Variants in TRAPPC9 observed in about 807,000 individuals in gnomAD.
TRAPPC9 encodes the protein trafficking protein particle complex subunit 9, also known as IKK2 binding protein.
In TRAPPC9, 83 loss-of-function variants were observed where a neutral mutation model predicts 124.0. The ratio of observed to expected loss-of-function variants is 0.67; its 90% CI spans 0.56 to 0.80. The LOEUF (loss-of-function observed/expected upper bound fraction) is 0.80, where lower values mean the gene tolerates loss of function less well. Among genes scored for constraint, TRAPPC9 ranks in the 30% least tolerant of loss-of-function variants. TRAPPC9 has a pLI of 0.00. For missense variants in TRAPPC9, 1,302 were observed against 1,508.3 expected (o/e 0.86, Z 2.27); for synonymous variants, 638 against 617.5 (o/e 1.03, Z -0.49).
rs71514633 is a variant in TRAPPC9, at chr8:139,729,210, G to C, written c.*1851C>G. On this transcript the variant is annotated 3_prime_UTR_variant, in exon 23 of 23. Transcript: ENST00000438773. ...TCTACCTTTTAAACATGTTGTTATA[G>C]ACACGTTCTGAGGCATAGAAAATTT... Among the ~76,000 whole-genome samples, 1 of 152,230 alleles carries C rather than the reference G, an allele frequency of 6.6e-6. No homozygotes were observed. The highest frequency in any genetic ancestry group is 1.9e-4 in the East Asian group (1 of 5,192).
chr8:139,910,482 T>C (rs1831654984), intron 19 of TRAPPC9, among the ~76,000 whole-genome samples, 182 bp from the exon 20 acceptor site: 1 of 152,228 alleles, frequency 6.6e-6, no homozygotes. Context: ...ACTTCAGAGC[T>C]GGTTCAACAC....
At chr8:139,888,738 T>C (rs1830165284) in intron 20 of TRAPPC9, among the ~76,000 whole-genome samples, 1 of 152,264 alleles carries the variant, frequency 6.6e-6, no homozygotes, top group Admixed American at 6.5e-5. Context: ...TGAACTGATA[T>C]TGTTACTGAC....
chr8:139,784,443 G>A lies in TRAPPC9; in HGVS notation c.3056-52241C>T, dbSNP rs138199214. 1.1e-4 allele frequency among the ~76,000 whole-genome samples: 16 copies of A among 151,882 alleles called. No individual in the cohort carries two copies. In the East Asian group the frequency reaches 2.1e-3, roughly 20 times the overall value. The stretch of plus-strand genomic sequence containing the variant: ...TCAAAAATCAGCTGGGTATGGTGGC[G>A]GGCACCTGTAATCCCGGCCACTCAG... On this transcript the variant is annotated intron_variant, in intron 21 of 22. Coordinates refer to ENST00000438773, the MANE Select transcript of TRAPPC9 (RefSeq NM_001160372.4).
At position 140,001,968 on chromosome 8, in the gene TRAPPC9, T is replaced by C. The variant is rs548534652; in HGVS notation, c.2700-13132A>G. 6.6e-5 allele frequency among the ~76,000 whole-genome samples: 10 copies of C among 152,294 alleles called. No homozygotes were observed. The South Asian group carries it at 2.1e-3, about 32-fold the overall frequency. ...TAAATTAAACATATTGTTTTAAAAA[T>C]CATTCTGAAAAAGAAATCTCTATGC... On this transcript the variant is annotated intron_variant, in intron 18 of 22. Transcript: ENST00000438773.
chr8:140,428,115 C>A (rs894625118), intron 4 of TRAPPC9, among the ~76,000 whole-genome samples: 5 of 152,104 alleles, frequency 3.3e-5, no homozygotes, highest in Non-Finnish European at 2.9e-5. Context: ...AACCTAGAAA[C>A]GTTTTGTTCT....
intron 2 of TRAPPC9, among the ~76,000 whole-genome samples, chr8:140,440,865 T>A (rs2070988828): frequency 2.0e-5 from 3 of 151,632 alleles, no homozygotes; most frequent in Admixed American, 2.0e-4. Flanking sequence ...CAACTTCCAC[T>A]CTCTTTTAGG....
chr8:140,340,679 A>G (rs2067168648), intron 9 of TRAPPC9, among the ~76,000 whole-genome samples: 1 of 152,260 alleles, frequency 6.6e-6, no homozygotes. Flanking sequence ...ATACAAACCC[A>G]GCTCTGCCTG....
rs146442464 is a variant in TRAPPC9, at chr8:139,974,969, C to T, written c.2810+13757G>A. On this transcript the variant is annotated intron_variant, in intron 19 of 22. Transcript: ENST00000438773. ...CTCCCATCAGCAGACCTAGATCAGC[C>T]GCACCCGATTCAAAGGGCTCCCCCA... Among the ~76,000 whole-genome samples the T allele has an allele frequency of 2.8e-4, 42 of 152,206 alleles. No individual in the cohort carries two copies. In the East Asian group the frequency reaches 3.3e-3, roughly 12 times the overall value.
At chr8:139,796,604 G>T (rs1293368472) in intron 21 of TRAPPC9, among the ~76,000 whole-genome samples, 2 of 152,232 alleles carry the variant, frequency 1.3e-5, no homozygotes, top group Non-Finnish European at 2.9e-5. Context: ...TTTCAGAGCT[G>T]AATAATATTC....
chr8:140,307,471 C>T (rs2066169675), intron 10 of TRAPPC9, among the ~76,000 whole-genome samples: 1 of 152,138 alleles, frequency 6.6e-6, no homozygotes, highest in Non-Finnish European at 1.5e-5. Flanking sequence ...CACAAGGTCA[C>T]CTGGGGGCTA....
At chr8:140,174,554 A>G (rs977403234) in intron 17 of TRAPPC9, among the ~76,000 whole-genome samples, 2 of 152,140 alleles carry the variant, frequency 1.3e-5, no homozygotes, top group Non-Finnish European at 2.9e-5. Flanking sequence ...ACCCATTAGC[A>G]GTCACTCCCG....
intron 9 of TRAPPC9, among the ~76,000 whole-genome samples, chr8:140,322,325 G>A (rs942008181): frequency 6.6e-6 from 1 of 152,092 alleles, no homozygotes; most frequent in Admixed American, 6.5e-5. Context: ...GGAGAGCTAG[G>A]ACCAAGGCTA....
At chr8:139,813,547 T>C (rs1586902546) in intron 21 of TRAPPC9, among the ~76,000 whole-genome samples, 1 of 152,238 alleles carries the variant, frequency 6.6e-6, no homozygotes, top group Non-Finnish European at 1.5e-5. Context: ...CAGGCCTCCC[T>C]GAACACCGTT....
At chr8:140,396,596 A>C (rs1588279243) in intron 7 of TRAPPC9, among the ~76,000 whole-genome samples, 16 of 104,108 alleles carry the variant, frequency 1.5e-4, no homozygotes, top group Non-Finnish European at 1.8e-4. Flanking sequence ...CCATCTTTCT[A>C]CCCCCACCGC....
At chr8:140,259,577 A>T (rs1717499753) in intron 15 of TRAPPC9, among the ~76,000 whole-genome samples, 2 of 152,238 alleles carry the variant, frequency 1.3e-5, no homozygotes, top group South Asian at 4.1e-4. Context: ...TGCAGAATCA[A>T]CAAGTTGACG....
At chr8:140,076,301 GCTGCTGTGT>G (rs1365470699) in intron 17 of TRAPPC9, among the ~76,000 whole-genome samples, 1 of 152,156 alleles carries the variant, frequency 6.6e-6, no homozygotes, top group Non-Finnish European at 1.5e-5. Flanking sequence ...CCCTCCCCTG[GCTGCTGTGT>G]GTGTGGCCCT....
chr8:140,284,650 C>A (rs977226745), intron 13 of TRAPPC9, among the ~76,000 whole-genome samples: 1 of 152,126 alleles, frequency 6.6e-6, no homozygotes, highest in Non-Finnish European at 1.5e-5. Flanking sequence ...TTATTATAAA[C>A]AACATTCACT....
At chr8:140,212,118 C>G (rs1490130984) in intron 17 of TRAPPC9, among the ~76,000 whole-genome samples, 3 of 152,196 alleles carry the variant, frequency 2.0e-5, no homozygotes, top group African/African-American at 4.8e-5. Flanking sequence ...CGCTCAGGAC[C>G]AGCAATGCAA....
At chr8:140,144,619 GC>G (rs1490718607) in intron 17 of TRAPPC9, among the ~76,000 whole-genome samples, 1 of 152,086 alleles carries the variant, frequency 6.6e-6, no homozygotes, top group African/African-American at 2.4e-5. Flanking sequence ...CTCCTGAGTA[GC>G]TGGGATTACA....
Sources: allele counts gnomAD v4.1 joint callset (sites outside exome capture counted in the v4.1 genomes callset), GRCh38; gene constraint gnomAD v4.1.1; transcripts MANE v1.5; gene names NCBI Gene and HGNC (gene_info 2026-07-23, HGNC 2026-07-21).